RAB1A: variants seen among roughly 807,000 people sequenced by gnomAD.
The protein encoded by RAB1A is ras-related protein Rab-1A.
Under a neutral mutation model 26.0 loss-of-function variants are expected in RAB1A, and 2 were observed. The observed-to-expected ratio is 0.08, with a 90% CI of 0.03 to 0.24. The LOEUF (loss-of-function observed/expected upper bound fraction) is 0.24, where lower values mean the gene tolerates loss of function less well. RAB1A is among the 10% of genes least tolerant of loss of function. RAB1A has a pLI of 1.00. For missense variants in RAB1A, 100 were observed against 247.0 expected (o/e 0.40, Z 3.99); for synonymous variants, 84 against 84.9 (o/e 0.99, Z 0.06).
chr2:65,089,261 G>A (rs567235244), intron 4 of RAB1A, among the ~76,000 whole-genome samples, 191 bp from the exon 5 acceptor site: 3 of 151,952 alleles, frequency 2.0e-5, no homozygotes, highest in South Asian at 2.1e-4. Flanking sequence ...CACCTAGGCC[G>A]GAGTGCAGTG....
At chr2:65,105,767 A>T (rs1669541399) in intron 1 of RAB1A, among the ~76,000 whole-genome samples, 2 of 149,238 alleles carry the variant, frequency 1.3e-5, no homozygotes, top group South Asian at 4.4e-4. Flanking sequence ...TTGAAAACCA[A>T]GCTTTTTTTT....
At chr2:65,105,646 T>C (rs966346389) in intron 1 of RAB1A, among the ~76,000 whole-genome samples, 1 of 152,100 alleles carries the variant, frequency 6.6e-6, no homozygotes, top group Admixed American at 6.6e-5. Context: ...TTCATATAAC[T>C]TCTGAAAGCC....
chr2:65,098,215 G>C (rs1287407471), intron 2 of RAB1A, 149 bp from the exon 3 acceptor site: 1 of 497,144 alleles, frequency 2.0e-6, no homozygotes, highest in African/African-American at 2.0e-5. Context: ...AATGTATAAA[G>C]TATAACATGC....
intron 1 of RAB1A, among the ~76,000 whole-genome samples, chr2:65,115,921 C>T (rs774891575): frequency 3.7e-4 from 57 of 152,124 alleles, no homozygotes; most frequent in Middle Eastern, 6.8e-3. Context: ...TTTGGGAGGC[C>T]GAGGTGGGTG....
chr2:65,110,242 C>A (rs1368360050), intron 1 of RAB1A, among the ~76,000 whole-genome samples: 2 of 151,864 alleles, frequency 1.3e-5, no homozygotes, highest in Non-Finnish European at 2.9e-5. Flanking sequence ...GAGATCGAGA[C>A]CATCCTGGCT....
chr2:65,090,236 T>C (rs1669139696), intron 4 of RAB1A, among the ~76,000 whole-genome samples: 1 of 152,202 alleles, frequency 6.6e-6, no homozygotes, highest in Non-Finnish European at 1.5e-5. Flanking sequence ...ATCTAAATGC[T>C]TACATGTAAG....
At position 65,114,702 on chromosome 2, in the gene RAB1A, G is replaced by C. The variant is rs540563369; in HGVS notation, c.24-9896C>G. Among the ~76,000 whole-genome samples, 374 of 152,126 alleles carry C rather than the reference G, an allele frequency of 2.5e-3. 4 individuals carry two copies. The highest frequency in any genetic ancestry group is 8.5e-3 in the African/African-American group (355 of 41,554). ...ACTAAAAAAATACAAAAAATTAGCC[G>C]GGCGCGGTGGCGGGCGCCTGTAGTC... On this transcript the variant is annotated intron_variant, in intron 1 of 5. Transcript: ENST00000409784.
At chr2:65,114,614 C>T (rs1669780180) in intron 1 of RAB1A, among the ~76,000 whole-genome samples, 1 of 151,976 alleles carries the variant, frequency 6.6e-6, no homozygotes, top group Admixed American at 6.6e-5. Flanking sequence ...GAGGCCGAGG[C>T]GGGTGGATCA....
At chr2:65,105,440 G>C (rs1043810615) in intron 1 of RAB1A, 4 of 151,068 alleles carry the variant, frequency 2.6e-5, no homozygotes, top group African/African-American at 1.0e-4. Flanking sequence ...AGGAGGCAGA[G>C]GTTGCAGTGA....
At chr2:65,104,899 C>A in intron 1 of RAB1A, 93 bp from the exon 2 acceptor site, 1 of 1,038,148 alleles carries the variant, frequency 9.6e-7, no homozygotes, top group South Asian at 1.3e-5. Context: ...AATAACAACT[C>A]ACTGTGAAGA....
chr2:65,115,254 T>A (rs1204669981), intron 1 of RAB1A, among the ~76,000 whole-genome samples: 10 of 152,236 alleles, frequency 6.6e-5, no homozygotes, highest in Non-Finnish European at 2.9e-5. Context: ...AGCATAAAAC[T>A]AAGCTCACAT....
At chr2:65,112,012 G>C (rs948320871) in intron 1 of RAB1A, among the ~76,000 whole-genome samples, 1 of 152,038 alleles carries the variant, frequency 6.6e-6, no homozygotes, top group African/African-American at 2.4e-5. Flanking sequence ...GAACCTGGGA[G>C]GTAGAGGTTG....
intron 2 of RAB1A, among the ~76,000 whole-genome samples, chr2:65,103,805 A>G (rs576148745): frequency 4.6e-5 from 7 of 151,370 alleles, no homozygotes; most frequent in Non-Finnish European, 8.8e-5. Flanking sequence ...TTTTTGAGAC[A>G]GTCTTGCTCT....
At position 65,087,364 on chromosome 2, in the gene RAB1A, A is replaced by G. The variant is rs550614244; in HGVS notation, c.*1129T>C. ...ATAATTTCTAAATTTAGAGCAATCA[A>G]ATTTCCTGCTTCCTATCTTAATGCT... On this transcript the variant is annotated 3_prime_UTR_variant, in exon 6 of 6. Transcript: ENST00000409784. 2.0e-5 allele frequency: 3 copies of G among 152,762 alleles called. No homozygotes were observed. The highest frequency in any genetic ancestry group is 2.1e-4 in the South Asian group (1 of 4,834). The allele number at this position is 152,762 out of a possible 1,614,324, so 9.5% of individuals were successfully genotyped here. A position where few individuals can be genotyped will look rare whatever the true frequency, so the allele number is the denominator to read the frequency against.
At chr2:65,129,170 G>C (rs1429729099) in intron 1 of RAB1A, among the ~76,000 whole-genome samples, 1 of 133,978 alleles carries the variant, frequency 7.5e-6, no homozygotes, top group South Asian at 2.4e-4. Flanking sequence ...TTGACCCACA[G>C]AAGACAAAAT....
intron 1 of RAB1A, among the ~76,000 whole-genome samples, chr2:65,110,498 CGTAT>C (rs1485226295): frequency 2.7e-5 from 4 of 148,550 alleles, no homozygotes; most frequent in African/African-American, 9.9e-5. Context: ...AAATTAAGTA[CGTAT>C]TAGATTATAA....
chr2:65,123,900 T>TA (rs34033066), intron 1 of RAB1A, among the ~76,000 whole-genome samples: 96,983 of 149,082 alleles, frequency 0.65, 31,485 homozygotes, highest in Non-Finnish European at 0.68. Context: ...AAGACAACGT[T>TA]AAAAAAAAAA....
chr2:65,102,494 ATAAACT>A (rs1358902792), intron 2 of RAB1A, among the ~76,000 whole-genome samples: 3 of 152,168 alleles, frequency 2.0e-5, no homozygotes, highest in African/African-American at 7.2e-5. Flanking sequence ...ATTTTCCATG[ATAAACT>A]TAAATTTTAT....
intron 1 of RAB1A, among the ~76,000 whole-genome samples, chr2:65,126,875 T>C (rs1670113012): frequency 6.6e-6 from 1 of 152,232 alleles, no homozygotes; most frequent in East Asian, 1.9e-4. Flanking sequence ...TCTAATTACT[T>C]TTATAAAGAT....
Sources: gnomAD v4.1 joint callset for allele counts (sites outside exome capture counted in the v4.1 genomes callset) on GRCh38, gnomAD v4.1.1 for gene constraint, MANE v1.5 for transcripts, NCBI Gene and HGNC (gene_info 2026-07-23, HGNC 2026-07-21) for gene names.